The following ITGA11 variants were observed in gnomAD, a reference collection of about 807,000 sequenced individuals.
The protein encoded by ITGA11 is integrin alpha-11.
In ITGA11, 97 loss-of-function variants were observed where a neutral mutation model predicts 141.9. The ratio of observed to expected loss-of-function variants is 0.68; its 90% CI spans 0.58 to 0.81. ITGA11 has a LOEUF of 0.81. Ranked by LOEUF, ITGA11 falls within the 30% of genes least tolerant of loss-of-function variation. The pLI, the probability that ITGA11 is intolerant of heterozygous loss-of-function variation, is 0.00. For missense variants in ITGA11, 1,387 were observed against 1,559.2 expected (o/e 0.89, Z 1.86); for synonymous variants, 658 against 624.6 (o/e 1.05, Z -0.80).
chr15:68,351,204 G>A, intron 8 of ITGA11, 54 bp downstream of exon 8: 1 of 1,597,538 alleles, frequency 6.3e-7, no homozygotes. Flanking sequence ...CCAGGGATTT[G>A]ATGGTAAAGC....
At chr15:68,430,516 C>A (rs929454269) in intron 1 of ITGA11, among the ~76,000 whole-genome samples, 2 of 152,180 alleles carry the variant, frequency 1.3e-5, no homozygotes, top group African/African-American at 2.4e-5. Flanking sequence ...TGTCCCTAGC[C>A]CCTAAGGCAG....
At chr15:68,342,842 C>G (rs1029759843) in intron 10 of ITGA11, among the ~76,000 whole-genome samples, 1 of 152,130 alleles carries the variant, frequency 6.6e-6, no homozygotes, top group Non-Finnish European at 1.5e-5. Context: ...ACCAGATGGT[C>G]CCTTACGGCA....
intron 1 of ITGA11, among the ~76,000 whole-genome samples, chr15:68,413,361 C>T (rs1333920160): frequency 6.6e-6 from 1 of 152,180 alleles, no homozygotes; most frequent in Admixed American, 6.5e-5. Context: ...CCCTCTATGG[C>T]CCTTCAGTTC....
At chr15:68,350,862 G>A in intron 8 of ITGA11, 80 bp from the exon 9 acceptor site, 1 of 1,465,102 alleles carries the variant, frequency 6.8e-7, no homozygotes, top group South Asian at 1.4e-5. Flanking sequence ...TAGACCCTGG[G>A]GACCCCAGGG....
chr15:68,378,833 C>T (rs1462576626), intron 2 of ITGA11, among the ~76,000 whole-genome samples: 5 of 152,166 alleles, frequency 3.3e-5, no homozygotes, highest in African/African-American at 9.7e-5. Flanking sequence ...AGTATCATCA[C>T]AAACGTCAAC....
At chr15:68,376,778 C>G (rs562072699) in intron 2 of ITGA11, among the ~76,000 whole-genome samples, 96 of 152,362 alleles carry the variant, frequency 6.3e-4, no homozygotes, top group Non-Finnish European at 9.8e-4. Flanking sequence ...GTCTGCTCAC[C>G]CTTCAGGGTT....
At chr15:68,368,681 C>T (rs955777834) in intron 3 of ITGA11, among the ~76,000 whole-genome samples, 8 of 152,196 alleles carry the variant, frequency 5.3e-5, no homozygotes, top group African/African-American at 1.7e-4. Context: ...TGACCCCGGG[C>T]AGGTCCCCTC....
chr15:68,349,884 C>A (rs539419368), intron 9 of ITGA11, among the ~76,000 whole-genome samples: 1 of 152,192 alleles, frequency 6.6e-6, no homozygotes, highest in Non-Finnish European at 1.5e-5. Flanking sequence ...CTGCTAGGCA[C>A]AAGCTAGGGT....
rs956221480 is a variant in ITGA11 at position 68,308,604 on chromosome 15, G to T, written c.3175-908C>A. Among the ~76,000 whole-genome samples, 2 of 152,106 alleles carry T rather than the reference G, an allele frequency of 1.3e-5. No homozygotes were observed. Among genetic ancestry groups the T allele is most frequent in the African/African-American group, 4.8e-5 (2 of 41,422 alleles). ...AAAAAATACAAAAAATTAGCCAGCC[G>T]TGGTGGCACGCGCCTGTAGTCCCAA... On this transcript the variant is annotated intron_variant, in intron 26 of 29. Coordinates refer to ENST00000315757, the MANE Select transcript of ITGA11 (RefSeq NM_001004439.2). The surrounding 1 kb of genome is among the most constrained non-coding windows in gnomAD (Gnocchi z 5.2).
intron 7 of ITGA11, among the ~76,000 whole-genome samples, chr15:68,352,813 A>C (rs180878548): frequency 6.8e-4 from 103 of 151,022 alleles, no homozygotes; most frequent in African/African-American, 2.4e-3. Flanking sequence ...CTCGACCGTC[A>C]ATTGGCAGAG....
rs1893378152 is a variant in ITGA11, at chr15:68,311,358, T to C, written c.3019A>G (p.Ile1007Val). 1 of 1,576,332 alleles carries C rather than the reference T, an allele frequency of 6.3e-7. No homozygotes were observed. Among genetic ancestry groups the C allele is most frequent in the African/African-American group, 1.3e-5 (1 of 74,206 alleles). ...LFPIHGMMMK[I>V]TIPIATRSGN... ...CTCCTGGTGGCGATGGGAATGGTGA[T>C]CTTCATCATCATCCCGTGGATGGGG... is the stretch of plus-strand genomic sequence containing the variant. Residue 1007 changes from isoleucine to valine, a missense_variant, in exon 25 of 30, where the codon ATC becomes GTC. By Grantham distance (29) the Ile-to-Val change is conservative. Coordinates refer to ENST00000315757, the MANE Select transcript of ITGA11 (RefSeq NM_001004439.2).
At chr15:68,334,650 G>T (rs1894287447) in intron 12 of ITGA11, among the ~76,000 whole-genome samples, 1 of 152,274 alleles carries the variant, frequency 6.6e-6, no homozygotes, top group Non-Finnish European at 1.5e-5. Context: ...AAGTGAGGGA[G>T]GGGGCGGGAG....
chr15:68,390,651 C>T (rs564355029), intron 2 of ITGA11, among the ~76,000 whole-genome samples: 1 of 152,316 alleles, frequency 6.6e-6, no homozygotes, highest in Admixed American at 6.5e-5. Flanking sequence ...GAGCCTGGGT[C>T]AGAGGGAGCC....
intron 26 of ITGA11, among the ~76,000 whole-genome samples, chr15:68,309,607 T>C (rs946091481): frequency 6.7e-6 from 1 of 149,244 alleles, no homozygotes; most frequent in Non-Finnish European, 1.5e-5. Flanking sequence ...TTTTTTTTTT[T>C]TTTTTGAGAC....
In ITGA11 at chr15:68,330,702, A is replaced by G. The variant is rs114401624; in HGVS notation, c.1901+279T>C. On this transcript the variant is annotated intron_variant, in intron 15 of 29. Coordinates refer to ENST00000315757, the MANE Select transcript of ITGA11 (RefSeq NM_001004439.2). ...CGCTCAACTTGCCCCTGCGAGTGTTATAGCTTGAAAAGCTGAAGTGGAAGA... is the reference window on the plus strand; with the variant it reads ...CGCTCAACTTGCCCCTGCGAGTGTTGTAGCTTGAAAAGCTGAAGTGGAAGA... 7.0e-3 allele frequency among the ~76,000 whole-genome samples: 1,070 copies of G among 152,332 alleles called. 5 individuals carry two copies. Among genetic ancestry groups the G allele is most frequent in the Non-Finnish European group, 0.012 (812 of 68,038 alleles).
Position 68,348,711 on chromosome 15 carries a change from TGAG to T in ITGA11, c.1131+116_1131+118del, listed in dbSNP as rs528486656. The T allele has an allele frequency of 4.3e-4, 349 of 816,630 alleles. No homozygotes were observed. In the African/African-American group the frequency reaches 5.1e-3, roughly 12 times the overall value. 50.6% of individuals were successfully genotyped at this position (816,630 alleles called of 1,614,324 possible). A position where few individuals can be genotyped will look rare whatever the true frequency, so the allele number is the denominator to read the frequency against. On this transcript the variant is annotated intron_variant, in intron 10 of 29. Coordinates refer to ENST00000315757, the MANE Select transcript of ITGA11 (RefSeq NM_001004439.2). ...GAGAGACCCCAAGAAAGAGAGAAAG[TGAG>T]GAGAAGAGCCAACCCATCTGTGAAG...
chr15:68,318,605 G>C (rs893050799), intron 20 of ITGA11, among the ~76,000 whole-genome samples: 13 of 152,180 alleles, frequency 8.5e-5, no homozygotes, highest in Non-Finnish European at 1.0e-4. Context: ...TTGAGGATGG[G>C]GGAGCCCACT....
intron 26 of ITGA11, among the ~76,000 whole-genome samples, chr15:68,310,716 C>T (rs1036618064): frequency 1.3e-5 from 2 of 152,242 alleles, no homozygotes; most frequent in African/African-American, 2.4e-5. Context: ...CTCCCCACCC[C>T]TTTCTGCTCG....
chr15:68,407,674 C>T (rs540396534), intron 1 of ITGA11, among the ~76,000 whole-genome samples: 1 of 152,198 alleles, frequency 6.6e-6, no homozygotes, highest in Non-Finnish European at 1.5e-5. Flanking sequence ...CTGGGCTGCT[C>T]TCCTGTGGGC....
Sources: allele counts gnomAD v4.1 joint callset (sites outside exome capture counted in the v4.1 genomes callset), GRCh38; gene constraint gnomAD v4.1.1; non-coding constraint Gnocchi (gnomAD v3.1); transcripts MANE v1.5; gene names NCBI Gene and HGNC (gene_info 2026-07-23, HGNC 2026-07-21).